PTPRD: variants seen among roughly 807,000 people sequenced by gnomAD.
PTPRD encodes the protein protein tyrosine phosphatase receptor type D, also known as receptor-type tyrosine-protein phosphatase delta.
A neutral mutation model predicts 214.5 loss-of-function variants in PTPRD; 34 were observed. The observed-to-expected ratio is 0.16, with a 90% CI of 0.12 to 0.21. PTPRD has a LOEUF of 0.21. Ranked by LOEUF, PTPRD falls within the 10% of genes least tolerant of loss-of-function variation. The pLI is 1.00. For synonymous variants in PTPRD, 1,128 were observed against 845.7 expected, an observed-to-expected ratio of 1.33 and a Z score of -5.79; for missense variants, 2,545 against 2,398.7, an observed-to-expected ratio of 1.06 and a Z score of -1.27.
intron 4 of PTPRD, among the ~76,000 whole-genome samples, chr9:9,988,434 C>T (rs1490275868): frequency 6.6e-6 from 1 of 152,068 alleles, no homozygotes; most frequent in East Asian, 1.9e-4. Flanking sequence ...AAGCATGCAG[C>T]TCAAACTGAT....
At chr9:9,033,937 CA>C (rs1223121432) in intron 10 of PTPRD, among the ~76,000 whole-genome samples, 6 of 152,216 alleles carry the variant, frequency 3.9e-5, no homozygotes, top group African/African-American at 1.4e-4. Context: ...ATTCCTCACT[CA>C]GGGGGAAACT....
chr9:8,997,077 G>T (rs1567485885), intron 11 of PTPRD, among the ~76,000 whole-genome samples: 1 of 151,858 alleles, frequency 6.6e-6, no homozygotes, highest in African/African-American at 2.4e-5. Context: ...TTCTTTCCTT[G>T]TTTCTTTATT....
At chr9:8,963,562 T>G (rs1016270789) in intron 11 of PTPRD, among the ~76,000 whole-genome samples, 1 of 152,186 alleles carries the variant, frequency 6.6e-6, no homozygotes, top group Non-Finnish European at 1.5e-5. Flanking sequence ...GAATCACATT[T>G]ATTGATTTGA....
intron 37 of PTPRD, among the ~76,000 whole-genome samples, chr9:8,388,814 T>G (rs1002622410): frequency 6.6e-6 from 1 of 152,190 alleles, no homozygotes; most frequent in African/African-American, 2.4e-5. Context: ...TCACAGAACT[T>G]AAGTCTTATG....
At chr9:9,624,508 A>C (rs1050575861) in intron 7 of PTPRD, among the ~76,000 whole-genome samples, 1 of 151,890 alleles carries the variant, frequency 6.6e-6, no homozygotes, top group South Asian at 2.1e-4. Flanking sequence ...GGCTGGTCTC[A>C]AACCCCCAAC....
intron 3 of PTPRD, among the ~76,000 whole-genome samples, chr9:10,267,919 T>C (rs2094173294): frequency 6.6e-6 from 1 of 152,086 alleles, no homozygotes; most frequent in Non-Finnish European, 1.5e-5. Flanking sequence ...AATGATCTTG[T>C]TTATGTAAAA....
At chr9:10,242,949 G>C (rs941880232) in intron 3 of PTPRD, among the ~76,000 whole-genome samples, 1 of 151,672 alleles carries the variant, frequency 6.6e-6, no homozygotes. Flanking sequence ...GGGAGAGAGA[G>C]AGAGAGAGCC....
intron 5 of PTPRD, among the ~76,000 whole-genome samples, chr9:9,894,860 C>T (rs1303606504): frequency 1.3e-5 from 2 of 151,606 alleles, no homozygotes; most frequent in Non-Finnish European, 2.9e-5. Context: ...ACTTTTGTTT[C>T]TTTTTGAGAT....
intron 3 of PTPRD, among the ~76,000 whole-genome samples, chr9:10,154,591 T>A (rs192981463): frequency 1.4e-3 from 206 of 152,262 alleles, no homozygotes; most frequent in African/African-American, 4.8e-3. Flanking sequence ...TTTTTATAAT[T>A]TTGGGTTTTA....
intron 8 of PTPRD, among the ~76,000 whole-genome samples, chr9:9,402,085 G>A (rs896194039): frequency 3.3e-5 from 5 of 151,998 alleles, no homozygotes; most frequent in African/African-American, 1.2e-4. Context: ...AACGAAAGTT[G>A]GTTCATTTTT....
intron 3 of PTPRD, among the ~76,000 whole-genome samples, chr9:10,145,043 T>C (rs1277153892): frequency 6.6e-6 from 1 of 152,042 alleles, no homozygotes; most frequent in African/African-American, 2.4e-5. Flanking sequence ...ACACCGATTT[T>C]TCAAAAAATT....
chr9:10,316,527 T>C (rs1232258910), intron 3 of PTPRD, among the ~76,000 whole-genome samples: 2 of 151,898 alleles, frequency 1.3e-5, no homozygotes, highest in Non-Finnish European at 2.9e-5. Flanking sequence ...CAAAGGAATA[T>C]ACTTGGTCTA....
chr9:10,082,092 T>C (rs1473190499), intron 3 of PTPRD, among the ~76,000 whole-genome samples: 1 of 152,094 alleles, frequency 6.6e-6, no homozygotes, highest in African/African-American at 2.4e-5. Context: ...TGCAAATGTG[T>C]TGGCTCCATA....
chr9:9,873,512 T>C (rs757782573), intron 5 of PTPRD, among the ~76,000 whole-genome samples: 4 of 152,050 alleles, frequency 2.6e-5, no homozygotes, highest in African/African-American at 4.8e-5. Flanking sequence ...AAAGTAACAA[T>C]GACTCTCTGG....
intron 11 of PTPRD, among the ~76,000 whole-genome samples, chr9:8,922,816 T>A (rs1234759925): frequency 6.7e-6 from 1 of 150,310 alleles, no homozygotes; most frequent in Non-Finnish European, 1.5e-5. Flanking sequence ...CCGGCTAATT[T>A]TTTTTTTTTT....
intron 9 of PTPRD, among the ~76,000 whole-genome samples, chr9:9,393,289 C>T (rs1357537072): frequency 6.6e-6 from 1 of 152,092 alleles, no homozygotes; most frequent in Non-Finnish European, 1.5e-5. Context: ...CTTATTTTGA[C>T]CAATGGGACA....
chr9:9,276,274 AT>A (rs1397330671), intron 9 of PTPRD, among the ~76,000 whole-genome samples: 4 of 151,404 alleles, frequency 2.6e-5, no homozygotes, highest in African/African-American at 9.7e-5. Context: ...TGTCTGTTTG[AT>A]TCTTTAACTA....
intron 34 of PTPRD, among the ~76,000 whole-genome samples, chr9:8,447,124 G>A (rs1320563314): frequency 6.6e-6 from 1 of 152,154 alleles, no homozygotes; most frequent in Non-Finnish European, 1.5e-5. Context: ...GAGCTAAAGG[G>A]CATAATGTAC....
intron 8 of PTPRD, among the ~76,000 whole-genome samples, chr9:9,498,961 C>G (rs1366160892): frequency 1.3e-5 from 2 of 152,044 alleles, no homozygotes; most frequent in Non-Finnish European, 2.9e-5. Context: ...CTCTCTCTCC[C>G]TCTCTCACTT....
Sources: gnomAD v4.1 joint callset for allele counts (sites outside exome capture counted in the v4.1 genomes callset) on GRCh38, gnomAD v4.1.1 for gene constraint, MANE v1.5 for transcripts, NCBI Gene and HGNC (gene_info 2026-07-23, HGNC 2026-07-21) for gene names.